Variants in EGFR observed in about 807,000 individuals in gnomAD.
EGFR encodes avian erythroblastic leukemia viral (v-erb-b) oncogene homolog.
In EGFR, 58 loss-of-function variants were observed where a neutral mutation model predicts 143.0. The observed-to-expected ratio is 0.41, with a 90% CI of 0.33 to 0.50. The LOEUF is 0.50. EGFR is among the 20% of genes least tolerant of loss of function. EGFR has a pLI of 0.39. For synonymous variants in EGFR, 613 were observed against 594.4 expected (o/e 1.03, Z -0.45); for missense variants, 1,307 against 1,579.0 (o/e 0.83, Z 2.92).
chr7:55,199,419 G>C (rs1787753584), intron 23 of EGFR, among the ~76,000 whole-genome samples: 1 of 152,226 alleles, frequency 6.6e-6, no homozygotes, highest in African/African-American at 2.4e-5. Flanking sequence ...TACATGCATG[G>C]GATGAGCATT....
Position 55,066,771 on chromosome 7 carries a change from T to G in EGFR, c.88+47406T>G, listed in dbSNP as rs1165186812. Among the ~76,000 whole-genome samples, 4 of 152,232 alleles carry G rather than the reference T, an allele frequency of 2.6e-5. No individual in the cohort carries two copies. In the East Asian group the frequency reaches 7.7e-4, roughly 29 times the overall value. ...TCAGGTCAAGCCTCTGGCTGCTCCC[T>G]GAGGTCAGCTGCCTAGCTTCTCCTC... On this transcript the variant is annotated intron_variant, in intron 1 of 27. Transcript: ENST00000275493.
chr7:55,038,881 G>C (rs1003692534), intron 1 of EGFR, among the ~76,000 whole-genome samples: 4 of 151,754 alleles, frequency 2.6e-5, no homozygotes, highest in African/African-American at 9.7e-5. Context: ...CTGCTTCCCT[G>C]CCGGCAGGTG....
Position 55,170,734 on chromosome 7 carries a change from G to T in EGFR, c.1881-441G>T. On this transcript the variant is annotated intron_variant, in intron 15 of 27. Coordinates refer to ENST00000275493, the MANE Select transcript of EGFR (RefSeq NM_005228.5). ...TCTTCCTCCTCGCTGCCAGATGATT[G>T]TTCAAAGCACAGAATTTGTCAGAAA... The T allele has an allele frequency of 1.3e-6, 2 of 1,481,538 alleles. 1 individual carries two copies. Among genetic ancestry groups the T allele is most frequent in the South Asian group, 2.8e-5 (2 of 72,426 alleles). The allele number at this position is 1,481,538 out of a possible 1,614,324, so 91.8% of individuals were successfully genotyped here.
At chr7:55,067,626 TTTTG>T (rs1352178324) in intron 1 of EGFR, among the ~76,000 whole-genome samples, 2 of 151,616 alleles carry the variant, frequency 1.3e-5, no homozygotes, top group Non-Finnish European at 2.9e-5. Context: ...AATCTGCTAC[TTTTG>T]TTTATTAATT....
At chr7:55,102,926 CT>C (rs1293699498) in intron 1 of EGFR, among the ~76,000 whole-genome samples, 2 of 152,160 alleles carry the variant, frequency 1.3e-5, no homozygotes, top group African/African-American at 4.8e-5. Context: ...TCCTTAACAT[CT>C]TTGAAAGAGG....
intron 1 of EGFR, among the ~76,000 whole-genome samples, chr7:55,055,296 C>T (rs562782387): frequency 3.3e-5 from 5 of 152,300 alleles, no homozygotes; most frequent in African/African-American, 1.2e-4. Flanking sequence ...TCCAAGAATT[C>T]TATTACAATC....
intron 1 of EGFR, among the ~76,000 whole-genome samples, chr7:55,044,903 C>CT (rs1403829069): frequency 2.6e-5 from 4 of 152,210 alleles, no homozygotes; most frequent in Admixed American, 6.5e-5. Flanking sequence ...CTGCGATTGT[C>CT]TAAGAAAGAA....
At chr7:55,041,087 G>A (rs1787869599) in intron 1 of EGFR, among the ~76,000 whole-genome samples, 2 of 152,178 alleles carry the variant, frequency 1.3e-5, no homozygotes, top group Non-Finnish European at 2.9e-5. Context: ...GCAGTACACA[G>A]GTGGTGTCAG....
intron 19 of EGFR, among the ~76,000 whole-genome samples, chr7:55,176,946 AAT>A (rs545605792): frequency 1.0e-3 from 154 of 147,962 alleles, no homozygotes; most frequent in Middle Eastern, 7.2e-3. Context: ...TCTCTCTCTA[AAT>A]ATATATATAT....
intron 1 of EGFR, among the ~76,000 whole-genome samples, chr7:55,028,023 T>C (rs780319811): frequency 9.0e-4 from 100 of 110,756 alleles, no homozygotes; most frequent in African/African-American, 3.2e-3. Flanking sequence ...TATATATATA[T>C]ATACACACAC....
In EGFR at chr7:55,181,358, C is replaced by A. The variant is rs397517122; in HGVS notation, c.2349C>A (p.Thr783=). 19 of 1,614,232 alleles carry A rather than the reference C, an allele frequency of 1.2e-5. No individual in the cohort carries two copies. The highest frequency in any genetic ancestry group is 1.6e-5 in the Non-Finnish European group (19 of 1,180,042). ...HVCRLLGICL[T]STVQLITQLM... ...GCCGCCTGCTGGGCATCTGCCTCAC[C>A]TCCACCGTGCAGCTCATCACGCAGC... The change falls in exon 20 of 28, where the codon ACC becomes ACA. Residue 783 remains threonine, a synonymous_variant. Coordinates refer to ENST00000275493, the MANE Select transcript of EGFR (RefSeq NM_005228.5).
Position 55,210,142 on chromosome 7 carries a change from C to T in EGFR, c.*4525C>T, listed in dbSNP as rs912153472. ...GAAAAATCCAGTTGCATGCCATACT[C>T]TCATCATCTGCCAGTGTAACCCTGT... On this transcript the variant is annotated 3_prime_UTR_variant, in exon 28 of 28. Coordinates refer to ENST00000275493, the MANE Select transcript of EGFR (RefSeq NM_005228.5). The T allele has an allele frequency of 2.6e-5, 4 of 152,214 alleles. No individual in the cohort carries two copies. Among genetic ancestry groups the T allele is most frequent in the Admixed American group, 1.3e-4 (2 of 15,280 alleles). 9.4% of individuals were successfully genotyped at this position (152,214 alleles called of 1,614,324 possible).
rs10258429 is a variant in EGFR at position 55,170,394 on chromosome 7, C to T, written c.1881-781C>T. 132,523 of 1,614,090 alleles carry T rather than the reference C, an allele frequency of 0.082. 6,313 individuals carry two copies. Among genetic ancestry groups the T allele is most frequent in the African/African-American group, 0.21 (15,392 of 74,992 alleles). On this transcript the variant is annotated intron_variant, in intron 15 of 27. Transcript: ENST00000275493. Reference sequence around the variant, plus strand: ...AAAGTAATGATGGCAGCGTGTCCCACCAGAGCGGGAGCCCAGCTGCTCAGG... The same window carrying T: ...AAAGTAATGATGGCAGCGTGTCCCATCAGAGCGGGAGCCCAGCTGCTCAGG...
chr7:55,096,167 CA>C (rs1791458389), intron 1 of EGFR, among the ~76,000 whole-genome samples: 1 of 152,236 alleles, frequency 6.6e-6, no homozygotes, highest in South Asian at 2.1e-4. Flanking sequence ...GAGTTCAGCA[CA>C]AAAGCGTATC....
intron 15 of EGFR, chr7:55,170,196 A>T: frequency 1.3e-6 from 2 of 1,590,046 alleles, no homozygotes; most frequent in Non-Finnish European, 1.7e-6. Context: ...CAGTGTAGAG[A>T]ACAGAGACCT....
intron 1 of EGFR, among the ~76,000 whole-genome samples, chr7:55,137,469 G>T (rs984117540): frequency 3.3e-5 from 5 of 152,140 alleles, no homozygotes; most frequent in Non-Finnish European, 7.3e-5. Context: ...AGCAGAGGAA[G>T]GCCACAGGGC....
chr7:55,151,163 CCAAA>C, intron 4 of EGFR, 127 bp from the exon 5 acceptor site: 1 of 925,798 alleles, frequency 1.1e-6, no homozygotes. Context: ...AACCAGCCAG[CCAAA>C]CAATCAGAGA....
chr7:55,168,879 T>C (rs1786203207), intron 15 of EGFR, among the ~76,000 whole-genome samples: 1 of 152,134 alleles, frequency 6.6e-6, no homozygotes, highest in South Asian at 2.1e-4. Context: ...GTGCACAACA[T>C]TCCTGAATAT....
At chr7:55,090,978 T>C (rs1455852970) in intron 1 of EGFR, among the ~76,000 whole-genome samples, 1 of 152,244 alleles carries the variant, frequency 6.6e-6, no homozygotes, top group Non-Finnish European at 1.5e-5. Context: ...CTTTGCTTTT[T>C]CAAGACATAC....
Sources: gnomAD v4.1 joint callset for allele counts (sites outside exome capture counted in the v4.1 genomes callset) on GRCh38, gnomAD v4.1.1 for gene constraint, MANE v1.5 for transcripts, NCBI Gene and HGNC (gene_info 2026-07-23, HGNC 2026-07-21) for gene names.